Variants in NTN1 observed in about 807,000 individuals in gnomAD.
NTN1 encodes the protein netrin-1.
A neutral mutation model predicts 54.2 loss-of-function variants in NTN1; 11 were observed. That is an observed-to-expected ratio of 0.20 (90% CI 0.13 to 0.34). The LOEUF (loss-of-function observed/expected upper bound fraction) is 0.34. Ranked by LOEUF, NTN1 falls within the 10% of genes least tolerant of loss-of-function variation. The pLI, the probability that NTN1 is intolerant of heterozygous loss-of-function variation, is 1.00. For synonymous variants in NTN1, 371 were observed against 382.0 expected (o/e 0.97, Z 0.33); for missense variants, 740 against 893.1 (o/e 0.83, Z 2.18).
At chr17:9,158,889 C>A (rs990873686) in intron 2 of NTN1, among the ~76,000 whole-genome samples, 55 of 152,222 alleles carry the variant, frequency 3.6e-4, no homozygotes, top group African/African-American at 1.2e-3. Flanking sequence ...CTTCTGGCTG[C>A]TTTCAGACTT....
chr17:9,068,577 C>T (rs142446957), intron 2 of NTN1, among the ~76,000 whole-genome samples: 5,999 of 150,964 alleles, frequency 0.04, 406 homozygotes, highest in African/African-American at 0.14. Context: ...GGTGCGATCT[C>T]GGCTCACCAC....
intron 2 of NTN1, among the ~76,000 whole-genome samples, chr17:9,038,874 C>A (rs1401800552): frequency 6.6e-6 from 1 of 152,100 alleles, no homozygotes; most frequent in Non-Finnish European, 1.5e-5. Context: ...CTCAGTCCAC[C>A]TTGTTGCCAG....
At chr17:9,038,664 TC>T (rs1371125206) in intron 2 of NTN1, among the ~76,000 whole-genome samples, 1 of 152,082 alleles carries the variant, frequency 6.6e-6, no homozygotes, top group African/African-American at 2.4e-5. Context: ...TCCCTGCTGT[TC>T]CCTCCCTCCT....
chr17:9,194,767 G>A (rs960869126), intron 5 of NTN1, among the ~76,000 whole-genome samples: 10 of 152,294 alleles, frequency 6.6e-5, no homozygotes, highest in Middle Eastern at 3.4e-3. Context: ...GAAAGCCAGA[G>A]CCCAAGCCAA....
intron 5 of NTN1, among the ~76,000 whole-genome samples, chr17:9,202,489 A>G (rs73973304): frequency 0.016 from 2,444 of 152,246 alleles, 65 homozygotes; most frequent in African/African-American, 0.055. Context: ...AGAATTCATT[A>G]CTTTCCTAAA....
rs1411944388 is a variant in NTN1, at chr17:9,240,594, C to G, written c.*626C>G. On this transcript the variant is annotated 3_prime_UTR_variant, in exon 7 of 7. Coordinates refer to ENST00000173229, the MANE Select transcript of NTN1 (RefSeq NM_004822.3). ...GGCAGCATTTGGGGAGTGGACAGCT[C>G]CTGTCCAGCCAGCATGCCCCAGGCG... The G allele has an allele frequency of 3.3e-5, 5 of 152,460 alleles. No homozygotes were observed. The highest frequency in any genetic ancestry group is 1.2e-4 in the African/African-American group (5 of 41,468). The allele number at this position is 152,460 out of a possible 1,614,324, so 9.4% of individuals were successfully genotyped here.
intron 2 of NTN1, 55 bp from the exon 3 acceptor site, chr17:9,162,758 T>A: frequency 6.6e-7 from 1 of 1,526,130 alleles, no homozygotes; most frequent in Non-Finnish European, 8.9e-7. Context: ...CGCTCTTGGG[T>A]GCCTGTCCTC....
chr17:9,082,773 A>G (rs190658553), intron 2 of NTN1, among the ~76,000 whole-genome samples: 6 of 151,836 alleles, frequency 4.0e-5, no homozygotes, highest in Admixed American at 2.0e-4. Context: ...TGATTGGCTA[A>G]GATGATGGAA....
At chr17:9,098,656 G>A (rs2092139850) in intron 2 of NTN1, among the ~76,000 whole-genome samples, 1 of 152,180 alleles carries the variant, frequency 6.6e-6, no homozygotes, top group Admixed American at 6.6e-5. Context: ...AGCCACACCT[G>A]CATATGAAGA....
intron 5 of NTN1, among the ~76,000 whole-genome samples, chr17:9,198,096 C>T (rs761699267): frequency 4.6e-5 from 7 of 152,062 alleles, no homozygotes; most frequent in East Asian, 1.9e-4. Context: ...TCAGGGGGCC[C>T]GAGACAGGGA....
At chr17:9,228,692 C>G (rs1423790482) in intron 6 of NTN1, among the ~76,000 whole-genome samples, 2 of 152,212 alleles carry the variant, frequency 1.3e-5, no homozygotes, top group African/African-American at 4.8e-5. Context: ...ATGGAAAAAT[C>G]AAAATGCTTC....
intron 6 of NTN1, among the ~76,000 whole-genome samples, chr17:9,224,219 C>T (rs1905459015): frequency 6.6e-6 from 1 of 152,188 alleles, no homozygotes; most frequent in Non-Finnish European, 1.5e-5. Context: ...ACCTTGGCCC[C>T]TCAGAGCTCT....
At chr17:9,206,513 C>T (rs1232033847) in intron 5 of NTN1, among the ~76,000 whole-genome samples, 2 of 152,214 alleles carry the variant, frequency 1.3e-5, no homozygotes, top group East Asian at 3.9e-4. Context: ...GTAGAAAAAG[C>T]CTGGCAGGCT....
At chr17:9,032,952 C>G (rs1597464043) in intron 2 of NTN1, among the ~76,000 whole-genome samples, 1 of 124,318 alleles carries the variant, frequency 8.0e-6, no homozygotes, top group Non-Finnish European at 1.6e-5. Context: ...CCACAGAAAT[C>G]AATCCTTTTT....
intron 2 of NTN1, among the ~76,000 whole-genome samples, chr17:9,038,988 T>C (rs1425893396): frequency 1.3e-5 from 2 of 152,232 alleles, no homozygotes; most frequent in African/African-American, 2.4e-5. Context: ...TAGCCAGTTA[T>C]TCAGTGACAA....
At chr17:9,005,037 C>G in the NTN1 span, among the ~76,000 whole-genome samples, 85 of 152,266 alleles carry the variant, frequency 5.6e-4, no homozygotes, top group East Asian at 0.014. Context: ...ACATGTGGCC[C>G]CAAGTAAGGG....
intron 2 of NTN1, among the ~76,000 whole-genome samples, chr17:9,111,560 T>G (rs1400705282): frequency 6.6e-6 from 1 of 151,894 alleles, no homozygotes; most frequent in East Asian, 1.9e-4. Flanking sequence ...ACTTAGGGGG[T>G]TTAGAGGCAC....
chr17:9,129,416 G>A (rs33999560), intron 2 of NTN1, among the ~76,000 whole-genome samples: 7,938 of 152,254 alleles, frequency 0.052, 271 homozygotes, highest in East Asian at 0.13. Flanking sequence ...TCTGGTCTGA[G>A]TGCCTCTGCT....
chr17:9,169,346 G>A (rs1476587640), intron 3 of NTN1, among the ~76,000 whole-genome samples: 1 of 152,234 alleles, frequency 6.6e-6, no homozygotes, highest in Non-Finnish European at 1.5e-5. Context: ...AAAGCTGGTA[G>A]AGCCAGGAAA....
Sources: gnomAD v4.1 joint callset for allele counts (sites outside exome capture counted in the v4.1 genomes callset) on GRCh38, gnomAD v4.1.1 for gene constraint, MANE v1.5 for transcripts, NCBI Gene and HGNC (gene_info 2026-07-23, HGNC 2026-07-21) for gene names.